TMEM233: variants seen among roughly 807,000 people sequenced by gnomAD.
TMEM233 encodes the protein dispanin subfamily B member 2.
TMEM233 carries 6 observed loss-of-function variants against 11.2 expected under a neutral mutation model. The ratio of observed to expected loss-of-function variants is 0.54; its 90% CI spans 0.29 to 1.06. The LOEUF is 1.06. Among genes scored for constraint, TMEM233 ranks in the 50% least tolerant of loss-of-function variants. The probability of loss-of-function intolerance (pLI) is 0.08; values close to 1 mark genes in which losing one functional copy is unlikely to be tolerated. For synonymous variants in TMEM233, 59 were observed against 55.8 expected, an observed-to-expected ratio of 1.06 and a Z score of -0.26; for missense variants, 127 against 144.7, an observed-to-expected ratio of 0.88 and a Z score of 0.63.
At chr12:119,614,754 G>A (rs1443398861) in intron 1 of TMEM233, among the ~76,000 whole-genome samples, 1 of 152,136 alleles carries the variant, frequency 6.6e-6, no homozygotes, top group Non-Finnish European at 1.5e-5. Context: ...TTTCTCATCT[G>A]TAAAATAGGG....
At chr12:119,631,062 G>A (rs949637253) in intron 2 of TMEM233, 2 of 152,226 alleles carry the variant, frequency 1.3e-5, no homozygotes, top group African/African-American at 4.8e-5. Context: ...AGGTTTGACA[G>A]ACAGCAAGGT....
chr12:119,616,030 C>T (rs545603415), intron 1 of TMEM233, among the ~76,000 whole-genome samples: 1 of 152,220 alleles, frequency 6.6e-6, no homozygotes, highest in African/African-American at 2.4e-5. Flanking sequence ...ATGTGTCCAT[C>T]CAGGGAAGGG....
intron 1 of TMEM233, among the ~76,000 whole-genome samples, chr12:119,607,469 T>C (rs1310427969): frequency 1.3e-5 from 2 of 152,176 alleles, no homozygotes; most frequent in Non-Finnish European, 2.9e-5. Flanking sequence ...ATTTCAAATA[T>C]TCCTATCAAA....
At chr12:119,646,261 G>T (rs146118470), downstream of TMEM233, among the ~76,000 whole-genome samples, 893 of 152,252 alleles carry the variant, frequency 5.9e-3, 8 homozygotes, top group African/African-American at 0.02. Flanking sequence ...GTTTTGCCAT[G>T]TTGGCCGGGC....
At chr12:119,638,621 C>T (rs1955015829) in intron 2 of TMEM233, among the ~76,000 whole-genome samples, 1 of 152,160 alleles carries the variant, frequency 6.6e-6, no homozygotes, top group African/African-American at 2.4e-5. Context: ...AGACGTGCAA[C>T]GATGTTCATT....
intron 1 of TMEM233, among the ~76,000 whole-genome samples, chr12:119,609,483 G>T (rs1325111400): frequency 1.3e-5 from 2 of 152,188 alleles, no homozygotes; most frequent in African/African-American, 4.8e-5. Flanking sequence ...TGTCTCCAGG[G>T]CATATCAGAG....
At chr12:119,623,498 A>G (rs1162554004) in intron 1 of TMEM233, among the ~76,000 whole-genome samples, 1 of 151,346 alleles carries the variant, frequency 6.6e-6, no homozygotes, top group Admixed American at 6.6e-5. Context: ...GCTTGAGGTC[A>G]GGAGTTTGAC....
At chr12:119,624,497 C>T (rs1473502391) in intron 1 of TMEM233, among the ~76,000 whole-genome samples, 6 of 152,090 alleles carry the variant, frequency 3.9e-5, no homozygotes, top group Non-Finnish European at 7.4e-5. Flanking sequence ...TATTGTTCAT[C>T]CTTAAAAGGG....
intron 1 of TMEM233, among the ~76,000 whole-genome samples, chr12:119,606,262 G>A (rs1368291491): frequency 6.6e-6 from 1 of 152,092 alleles, no homozygotes; most frequent in South Asian, 2.1e-4. Context: ...AGAAATTTAT[G>A]TAAGTCTACA....
intron 1 of TMEM233, among the ~76,000 whole-genome samples, chr12:119,620,122 G>A (rs1226312997): frequency 6.6e-6 from 1 of 152,218 alleles, no homozygotes; most frequent in African/African-American, 2.4e-5. Flanking sequence ...ATAAGCTGGA[G>A]GTGAAAAGTC....
chr12:119,624,291 T>A (rs1461691068), intron 1 of TMEM233, among the ~76,000 whole-genome samples: 2 of 151,434 alleles, frequency 1.3e-5, no homozygotes, highest in Non-Finnish European at 2.9e-5. Context: ...GCCCAGGAGG[T>A]CGAGGCTGCA....
intron 1 of TMEM233, among the ~76,000 whole-genome samples, chr12:119,597,172 C>G (rs1001578995): frequency 6.6e-6 from 1 of 152,170 alleles, no homozygotes; most frequent in African/African-American, 2.4e-5. Flanking sequence ...TTCTGCCAGG[C>G]GTTTGCTTCC....
At chr12:119,640,667 T>C (rs1213302201) in intron 2 of TMEM233, 32 bp from the exon 3 acceptor site, 40 of 1,549,074 alleles carry the variant, frequency 2.6e-5, no homozygotes, top group Non-Finnish European at 3.1e-5. Flanking sequence ...GCCCACGGTC[T>C]TTCTCTCTCT....
chr12:119,598,085 G>A (rs1954084241), intron 1 of TMEM233, among the ~76,000 whole-genome samples: 1 of 152,124 alleles, frequency 6.6e-6, no homozygotes, highest in South Asian at 2.1e-4. Context: ...CCTCGACCCT[G>A]GAGAAAGAAT....
intron 1 of TMEM233, among the ~76,000 whole-genome samples, chr12:119,619,476 AC>A (rs1396883817): frequency 6.6e-6 from 1 of 152,060 alleles, no homozygotes; most frequent in Non-Finnish European, 1.5e-5. Context: ...CCTCATCTCT[AC>A]AAAAAATACA....
the TMEM233 span, among the ~76,000 whole-genome samples, chr12:119,652,832 A>G: frequency 6.6e-6 from 1 of 152,196 alleles, no homozygotes; most frequent in African/African-American, 2.4e-5. Context: ...GTTCTACCAA[A>G]TTAGAGAAAC....
chr12:119,602,577 A>G (rs536861934), intron 1 of TMEM233, among the ~76,000 whole-genome samples: 2 of 152,306 alleles, frequency 1.3e-5, no homozygotes, highest in South Asian at 2.1e-4. Context: ...AGATTTTGCA[A>G]ATATGCACAT....
At chr12:119,619,270 T>C (rs529516165) in intron 1 of TMEM233, among the ~76,000 whole-genome samples, 89 of 152,212 alleles carry the variant, frequency 5.8e-4, no homozygotes, top group Non-Finnish European at 1.1e-3. Context: ...AATTGCCCAG[T>C]CTCAAGTATG....
At chr12:119,605,012 T>TTTC (rs1566098523) in intron 1 of TMEM233, among the ~76,000 whole-genome samples, 1,623 of 151,562 alleles carry the variant, frequency 0.011, 26 homozygotes, top group African/African-American at 0.036. Flanking sequence ...TTTTTTTTTT[T>TTTC]GCCACGGGTG....
Sources: gnomAD v4.1 joint callset for allele counts (sites outside exome capture counted in the v4.1 genomes callset) on GRCh38, gnomAD v4.1.1 for gene constraint, MANE v1.5 for transcripts, NCBI Gene and HGNC (gene_info 2026-07-23, HGNC 2026-07-21) for gene names.